Variants in PREX1 observed in about 807,000 individuals in gnomAD.
The protein encoded by PREX1 is phosphatidylinositol 3,4,5-trisphosphate-dependent Rac exchanger 1 protein.
In PREX1, 41 loss-of-function variants were observed where a neutral mutation model predicts 198.3. The observed-to-expected ratio is 0.21, with a 90% CI of 0.16 to 0.27. PREX1 has a LOEUF of 0.27. Ranked by LOEUF, PREX1 falls within the 10% of genes least tolerant of loss-of-function variation. The probability of loss-of-function intolerance (pLI) is 1.00; values close to 1 mark genes in which losing one functional copy is unlikely to be tolerated. For missense variants in PREX1, 1,620 were observed against 2,200.7 expected (o/e 0.74, Z 5.28); for synonymous variants, 843 against 887.2 (o/e 0.95, Z 0.89).
rs1600540030 is a variant in PREX1, at chr20:48,827,943, C to G, written c.-83G>C. The G allele has an allele frequency of 2.0e-6, 1 of 501,036 alleles. No homozygotes were observed. The highest frequency in any genetic ancestry group is 2.1e-5 in the African/African-American group (1 of 46,988). The allele number at this position is 501,036 out of a possible 1,614,324, so 31.0% of individuals were successfully genotyped here. A position where few individuals can be genotyped will look rare whatever the true frequency, so the allele number is the denominator to read the frequency against. On this transcript the variant is annotated 5_prime_UTR_variant, in exon 1 of 40. Transcript: ENST00000371941. This position sits in a 1 kb window ranked among gnomAD's most constrained non-coding sequence, Gnocchi z 4.1. Reference sequence around the variant, plus strand: ...TCCAGGCGCCCCATCCCGGACGGGGCGCGCCGGCGGGCCGGGCTCAGCGGC... The same window carrying G: ...TCCAGGCGCCCCATCCCGGACGGGGGGCGCCGGCGGGCCGGGCTCAGCGGC...
At chr20:48,734,050 C>G (rs552188419) in intron 4 of PREX1, among the ~76,000 whole-genome samples, 1 of 152,320 alleles carries the variant, frequency 6.6e-6, no homozygotes, top group South Asian at 2.1e-4. Context: ...CCGCACCTGG[C>G]CGCTTAAGCC....
intron 1 of PREX1, among the ~76,000 whole-genome samples, chr20:48,778,474 T>C (rs977328318): frequency 2.0e-5 from 3 of 150,736 alleles, no homozygotes; most frequent in African/African-American, 7.3e-5. Flanking sequence ...CCTGTAATCC[T>C]AGCTACTCCA....
At chr20:48,701,004 G>C (rs59698647) in intron 6 of PREX1, 118 bp from the exon 7 acceptor site, 1 of 1,353,326 alleles carries the variant, frequency 7.4e-7, no homozygotes, top group African/African-American at 1.4e-5. Context: ...CAGCAAGTCT[G>C]TCAATGGACA....
At chr20:48,721,615 G>A (rs7270552) in intron 5 of PREX1, among the ~76,000 whole-genome samples, 1,580 of 152,340 alleles carry the variant, frequency 0.01, 31 homozygotes, top group African/African-American at 0.036. Flanking sequence ...CACTGCAGAT[G>A]GCAACAGCAA....
chr20:48,708,362 C>A lies in PREX1; in HGVS notation c.681G>T (p.Leu227=). 1.9e-6 allele frequency: 3 copies of A among 1,614,158 alleles called. No homozygotes were observed. The highest frequency in any genetic ancestry group is 2.5e-6 in the Non-Finnish European group (3 of 1,180,038). The change falls in exon 6 of 40, where the codon CTG becomes CTT. Residue 227 remains leucine, a synonymous_variant. Coordinates refer to ENST00000371941, the MANE Select transcript of PREX1 (RefSeq NM_020820.4). ...HPDHPAVQSA[L]QAMKTVCSNI... is the part of the protein sequence containing the mutation. Reference sequence around the variant, plus strand: ...TGGAGCAAACGGTCTTCATGGCCTGCAGGGCACTCTGGACCGCGGGGTGGT... The same window carrying A: ...TGGAGCAAACGGTCTTCATGGCCTGAAGGGCACTCTGGACCGCGGGGTGGT...
chr20:48,632,732 G>T, intron 33 of PREX1, 93 bp from the exon 34 acceptor site: 1 of 1,450,954 alleles, frequency 6.9e-7, no homozygotes, highest in Non-Finnish European at 9.5e-7. Flanking sequence ...GCACCTCCCT[G>T]CCCCCAGGTC....
intron 1 of PREX1, among the ~76,000 whole-genome samples, chr20:48,766,747 G>A (rs2090209876): frequency 6.6e-6 from 1 of 152,144 alleles, no homozygotes; most frequent in Non-Finnish European, 1.5e-5. Flanking sequence ...TTGCCCACCA[G>A]CCTAAGACCT....
chr20:48,692,097 C>T (rs1439114153), intron 8 of PREX1, among the ~76,000 whole-genome samples: 1 of 152,056 alleles, frequency 6.6e-6, no homozygotes, highest in Non-Finnish European at 1.5e-5. Flanking sequence ...TCCATGTTGC[C>T]CAGGCTGGTC....
rs959607306 is a variant in PREX1, at chr20:48,644,665, G to A, written c.3513-168C>T. On this transcript the variant is annotated intron_variant, in intron 26 of 39. Coordinates refer to ENST00000371941, the MANE Select transcript of PREX1 (RefSeq NM_020820.4). ...GGTCCTGGGTCCCAAAGGCAGGGAA[G>A]GCCGGCCTGGTGGGTTTTCCACGCC... Among the ~76,000 whole-genome samples the A allele has an allele frequency of 2.0e-5, 3 of 152,286 alleles. No individual in the cohort carries two copies. The South Asian group carries it at 6.2e-4, about 31-fold the overall frequency.
In PREX1 at chr20:48,827,701, G is replaced by T; in HGVS notation, c.160C>A (p.Leu54Ile). 1 of 1,385,084 alleles carries T rather than the reference G, an allele frequency of 7.2e-7. No individual in the cohort carries two copies. The highest frequency in any genetic ancestry group is 2.7e-5 in the Admixed American group (1 of 36,754). 85.8% of individuals were successfully genotyped at this position (1,385,084 alleles called of 1,614,324 possible). A position where few individuals can be genotyped will look rare whatever the true frequency, so the allele number is the denominator to read the frequency against. The change falls in exon 1 of 40, where the codon CTC becomes ATC. Residue 54 changes from leucine (L) to isoleucine (I), a missense_variant. Transcript: ENST00000371941. The surrounding 1 kb of genome is among the most constrained non-coding windows in gnomAD (Gnocchi z 4.1). ...CTCTCGGTGCCCAAGATCTCGTTGA[G>T]GACGCAGAGGCGGAGGCGCAGCTGG... Reference protein sequence around the residue: ...ERQLRLRLCVLNEILGTERDY... With the variant: ...ERQLRLRLCVINEILGTERDY...
chr20:48,827,629 G>A lies in PREX1; in HGVS notation c.219+13C>T. 1.5e-6 allele frequency: 2 copies of A among 1,290,676 alleles called. No individual in the cohort carries two copies. Among genetic ancestry groups the A allele is most frequent in the South Asian group, 2.7e-5 (1 of 37,056 alleles). The allele number at this position is 1,290,676 out of a possible 1,614,324, so 80.0% of individuals were successfully genotyped here. The stretch of plus-strand genomic sequence containing the variant: ...GAGGGAAAGCTGTCCCCAAGCTCCC[G>A]AGCGACACTCACCGACTGCAAGAAG... On this transcript the variant is annotated intron_variant, in intron 1 of 39. Transcript: ENST00000371941. The surrounding 1 kb of genome is among the most constrained non-coding windows in gnomAD (Gnocchi z 4.1).
chr20:48,741,713 G>C (rs911650024), intron 3 of PREX1, among the ~76,000 whole-genome samples: 2 of 152,236 alleles, frequency 1.3e-5, no homozygotes, highest in African/African-American at 2.4e-5. Flanking sequence ...GGAAGGGCAG[G>C]AGTGCAGCAA....
chr20:48,774,660 G>A (rs1176720379), intron 1 of PREX1, among the ~76,000 whole-genome samples: 1 of 152,236 alleles, frequency 6.6e-6, no homozygotes, highest in Non-Finnish European at 1.5e-5. Context: ...CCCCAACCTG[G>A]GCACCTCCTT....
At chr20:48,755,128 T>C (rs182150395) in intron 1 of PREX1, among the ~76,000 whole-genome samples, 4 of 152,274 alleles carry the variant, frequency 2.6e-5, no homozygotes, top group African/African-American at 9.6e-5. Context: ...ATGCTAAAAA[T>C]AGTTTGCAGA....
chr20:48,789,530 G>T (rs1480265170), intron 1 of PREX1, among the ~76,000 whole-genome samples: 1 of 152,162 alleles, frequency 6.6e-6, no homozygotes, highest in Non-Finnish European at 1.5e-5. Context: ...GGAGTCACCT[G>T]CCCAGAGTCA....
At chr20:48,779,581 C>A (rs1204349318) in intron 1 of PREX1, among the ~76,000 whole-genome samples, 1 of 152,138 alleles carries the variant, frequency 6.6e-6, no homozygotes, top group African/African-American at 2.4e-5. Flanking sequence ...TATTAAAAAT[C>A]ACCAAAAACT....
intron 3 of PREX1, among the ~76,000 whole-genome samples, chr20:48,739,162 G>A (rs1202219872): frequency 2.6e-5 from 4 of 152,020 alleles, no homozygotes; most frequent in Non-Finnish European, 2.9e-5. Flanking sequence ...CTCTGGCCAC[G>A]CCAGTCTCCC....
intron 1 of PREX1, among the ~76,000 whole-genome samples, chr20:48,775,031 G>A (rs1014880670): frequency 3.9e-5 from 6 of 152,188 alleles, no homozygotes; most frequent in Non-Finnish European, 7.3e-5. Context: ...CAGCTTTGGG[G>A]AAACAGGCAC....
chr20:48,639,625 G>C lies in PREX1; in HGVS notation c.3904+141C>G. 3 of 1,296,360 alleles carry C rather than the reference G, an allele frequency of 2.3e-6. No individual in the cohort carries two copies. In the South Asian group the frequency reaches 4.4e-5, roughly 19 times the overall value. 80.3% of individuals were successfully genotyped at this position (1,296,360 alleles called of 1,614,324 possible). A position where few individuals can be genotyped will look rare whatever the true frequency, so the allele number is the denominator to read the frequency against. The stretch of plus-strand genomic sequence containing the variant: ...CCCAGGGCAGGACACTCAGCTGAGA[G>C]AGGGCATCACTTCTCTTGTCCTCTC... On this transcript the variant is annotated intron_variant, in intron 30 of 39. Coordinates refer to ENST00000371941, the MANE Select transcript of PREX1 (RefSeq NM_020820.4).
Sources: gnomAD v4.1 joint callset for allele counts (sites outside exome capture counted in the v4.1 genomes callset) on GRCh38, gnomAD v4.1.1 for gene constraint, Gnocchi (gnomAD v3.1) non-coding constraint, MANE v1.5 for transcripts, NCBI Gene and HGNC (gene_info 2026-07-23, HGNC 2026-07-21) for gene names.